CTNND1: variants seen among roughly 807,000 people sequenced by gnomAD.
CTNND1 encodes catenin delta-1.
In CTNND1, 16 loss-of-function variants were observed where a neutral mutation model predicts 112.1. That is an observed-to-expected ratio of 0.14 (90% confidence interval 0.10 to 0.22). CTNND1 has a LOEUF of 0.22. Ranked by LOEUF, CTNND1 falls within the 10% of genes least tolerant of loss-of-function variation. The pLI, the probability that CTNND1 is intolerant of heterozygous loss-of-function variation, is 1.00. For synonymous variants in CTNND1, 420 were observed against 446.5 expected (o/e 0.94, Z 0.75); for missense variants, 1,008 against 1,257.0 (o/e 0.80, Z 3.00).
chr11:57,780,771 T>G (rs1229894582), intron 1 of CTNND1, among the ~76,000 whole-genome samples: 1 of 152,174 alleles, frequency 6.6e-6, no homozygotes. Context: ...TACTCCAAAC[T>G]TGATGAAAAG....
intron 6 of CTNND1, among the ~76,000 whole-genome samples, chr11:57,797,842 C>CA (rs771815069): frequency 0.69 from 47,769 of 69,070 alleles, 15,771 homozygotes; most frequent in East Asian, 0.84. Flanking sequence ...AACTCCACCT[C>CA]AAAAAAAAAA....
chr11:57,790,714 C>T (rs746312189), intron 2 of CTNND1, among the ~76,000 whole-genome samples: 1 of 145,914 alleles, frequency 6.9e-6, no homozygotes, highest in Non-Finnish European at 1.5e-5. Flanking sequence ...CCCGCCACCA[C>T]GCCCGGCCTT....
chr11:57,771,718 C>T lies in CTNND1; in HGVS notation c.-214+9599C>T, dbSNP rs548858781. On this transcript the variant is annotated intron_variant, in intron 1 of 20. Transcript: ENST00000399050. ...AAACCCCAGAGACAACGGCTGTTAC[C>T]GAATTTTTGTGTCTTTCTTGTAACT... Among the ~76,000 whole-genome samples, 197 of 152,192 alleles carry T rather than the reference C, an allele frequency of 1.3e-3. 1 individual carries two copies. The highest frequency in any genetic ancestry group is 4.3e-4 in the Non-Finnish European group (29 of 68,010).
Position 57,816,157 on chromosome 11 carries a change from C to A in CTNND1, c.2896-140C>A, listed in dbSNP as rs189542686. On this transcript the variant is annotated intron_variant, in intron 20 of 20. Coordinates refer to ENST00000399050, the MANE Select transcript of CTNND1 (RefSeq NM_001085458.2). ...CTGCTTTTGTGATTATTACCTCTTA[C>A]GAGTCTGGGACATGCAGCTGGTGAT... 5.0e-6 allele frequency: 6 copies of A among 1,202,924 alleles called. No homozygotes were observed. In the African/African-American group the frequency reaches 9.0e-5, roughly 18 times the overall value. The allele number at this position is 1,202,924 out of a possible 1,614,324, so 74.5% of individuals were successfully genotyped here. A position where few individuals can be genotyped will look rare whatever the true frequency, so the allele number is the denominator to read the frequency against.
At chr11:57,774,691 G>GTTTATTTATTTA (rs111874552) in intron 1 of CTNND1, among the ~76,000 whole-genome samples, 9 of 148,076 alleles carry the variant, frequency 6.1e-5, no homozygotes, top group African/African-American at 2.3e-4. Flanking sequence ...GTCTATGAGG[G>GTTTATTTATTTA]TTTATTTATT....
chr11:57,814,494 C>T, intron 18 of CTNND1, 121 bp downstream of exon 18: 2 of 670,644 alleles, frequency 3.0e-6, no homozygotes, highest in South Asian at 3.8e-5. Context: ...AGAGCATTGG[C>T]TGATCATTTC....
intron 1 of CTNND1, among the ~76,000 whole-genome samples, chr11:57,783,958 TCTGTC>T (rs1261171133): frequency 3.9e-5 from 6 of 152,018 alleles, no homozygotes; most frequent in Non-Finnish European, 8.8e-5. Flanking sequence ...AGGGTCTTAC[TCTGTC>T]GCCCAGGTGG....
intron 7 of CTNND1, among the ~76,000 whole-genome samples, chr11:57,803,331 G>T (rs1038383690): frequency 6.6e-6 from 1 of 152,124 alleles, no homozygotes; most frequent in African/African-American, 2.4e-5. Context: ...CTTGTGATCC[G>T]CCCGCCTTGG....
intron 9 of CTNND1, among the ~76,000 whole-genome samples, chr11:57,805,087 CG>C (rs1476312865): frequency 6.7e-6 from 1 of 150,010 alleles, no homozygotes; most frequent in Admixed American, 6.6e-5. Context: ...TTAGTAGAGA[CG>C]GGGTTTCACC....
At chr11:57,767,482 T>A (rs1232861951) in intron 1 of CTNND1, among the ~76,000 whole-genome samples, 1 of 152,218 alleles carries the variant, frequency 6.6e-6, no homozygotes, top group African/African-American at 2.4e-5. Flanking sequence ...CTTTATTCTA[T>A]ATTTTTTGGT....
chr11:57,791,866 G>A (rs1432714702), intron 3 of CTNND1, among the ~76,000 whole-genome samples, 193 bp downstream of exon 3: 1 of 152,188 alleles, frequency 6.6e-6, no homozygotes, highest in Non-Finnish European at 1.5e-5. Context: ...GCTGGGTGCA[G>A]TTACTATCTC....
chr11:57,774,248 TAA>T (rs1192953376), intron 1 of CTNND1, among the ~76,000 whole-genome samples: 1 of 152,246 alleles, frequency 6.6e-6, no homozygotes, highest in Non-Finnish European at 1.5e-5. Flanking sequence ...ATGGTAGATT[TAA>T]GACTTTGGAG....
At chr11:57,783,053 A>G (rs973470796) in intron 1 of CTNND1, among the ~76,000 whole-genome samples, 1 of 150,984 alleles carries the variant, frequency 6.6e-6, no homozygotes, top group African/African-American at 2.4e-5. Context: ...TGGGAGGCCA[A>G]GGCTGGTGGG....
In CTNND1 at chr11:57,811,302, A is replaced by G. The variant is rs2298598; in HGVS notation, c.2551-97A>G. ...TTATAAGTTGCTTTTTCATGATTCTATTTGGGAATAGGAACCTAGAGGTTT... is the reference window on the plus strand; with the variant it reads ...TTATAAGTTGCTTTTTCATGATTCTGTTTGGGAATAGGAACCTAGAGGTTT... On this transcript the variant is annotated intron_variant, in intron 16 of 20. Transcript: ENST00000399050. 292 of 948,670 alleles carry G rather than the reference A, an allele frequency of 3.1e-4. No homozygotes were observed. The East Asian group carries it at 5.9e-3, about 19-fold the overall frequency. 58.8% of individuals were successfully genotyped at this position (948,670 alleles called of 1,614,324 possible).
Position 57,796,829 on chromosome 11 carries a change from G to T in CTNND1, c.793G>T (p.Val265Leu). The T allele has an allele frequency of 6.2e-7, 1 of 1,611,514 alleles. No individual in the cohort carries two copies. ...DVYGPQPQVR[V>L]GGSSVDLHRF... ...GTATGGGCCCCAACCCCAGGTTCGGGTAGGTGGGAGCAGCGTGGATCTGCA... is the reference window on the plus strand; with the variant it reads ...GTATGGGCCCCAACCCCAGGTTCGGTTAGGTGGGAGCAGCGTGGATCTGCA... The change falls in exon 6 of 21, where the codon GTA becomes TTA. Residue 265 changes from valine (V) to leucine (L), a missense_variant. By Grantham distance (32) the Val-to-Leu change is conservative. Coordinates refer to ENST00000399050, the MANE Select transcript of CTNND1 (RefSeq NM_001085458.2).
At chr11:57,791,293 C>T (rs544414760) in intron 2 of CTNND1, 92 bp from the exon 3 acceptor site, 2 of 1,131,276 alleles carry the variant, frequency 1.8e-6, no homozygotes, top group African/African-American at 1.6e-5. Context: ...AGTAAAACCA[C>T]GAGAGGGCAT....
At chr11:57,776,674 A>G (rs1282499390) in intron 1 of CTNND1, among the ~76,000 whole-genome samples, 8 of 152,202 alleles carry the variant, frequency 5.3e-5, no homozygotes, top group Admixed American at 3.9e-4. Context: ...CTGAGATACA[A>G]TTAGAACTGG....
chr11:57,811,300 C>T, intron 16 of CTNND1, 99 bp from the exon 17 acceptor site: 2 of 930,044 alleles, frequency 2.2e-6, no homozygotes, highest in Non-Finnish European at 3.3e-6. Context: ...TTTCATGATT[C>T]TATTTGGGAA....
rs972287398 is a variant in CTNND1, at chr11:57,807,640, A to G, written c.1964-525A>G. Among the ~76,000 whole-genome samples, 16 of 150,274 alleles carry G rather than the reference A, an allele frequency of 1.1e-4. 2 individuals are homozygous for G. Among genetic ancestry groups the G allele is most frequent in the Admixed American group, 9.9e-4 (15 of 15,084 alleles). On this transcript the variant is annotated intron_variant, in intron 12 of 20. Coordinates refer to ENST00000399050, the MANE Select transcript of CTNND1 (RefSeq NM_001085458.2). ...AAAAAAAAAAAAAAAAAGAAAAGAT[A>G]CTTTTTGTACTTTACTAAAAGAAAT...
Sources: allele counts gnomAD v4.1 joint callset (sites outside exome capture counted in the v4.1 genomes callset), GRCh38; gene constraint gnomAD v4.1.1; transcripts MANE v1.5; gene names NCBI Gene and HGNC (gene_info 2026-07-23, HGNC 2026-07-21).